The following PTPRT variants were observed in gnomAD, a reference collection of about 807,000 sequenced individuals.
PTPRT encodes receptor-type tyrosine-protein phosphatase T.
A neutral mutation model predicts 176.8 loss-of-function variants in PTPRT; 56 were observed. The observed-to-expected ratio is 0.32, with a 90% confidence interval of 0.26 to 0.40. The LOEUF (loss-of-function observed/expected upper bound fraction) is 0.40, where lower values mean the gene tolerates loss of function less well. PTPRT is among the 10% of genes least tolerant of loss of function. The pLI is 1.00. For synonymous variants in PTPRT, 783 were observed against 739.0 expected (o/e 1.06, Z -0.96); for missense variants, 1,540 against 1,908.2 (o/e 0.81, Z 3.60).
intron 3 of PTPRT, among the ~76,000 whole-genome samples, chr20:42,787,716 A>G (rs1170300927): frequency 6.6e-6 from 1 of 152,224 alleles, no homozygotes; most frequent in Non-Finnish European, 1.5e-5. Flanking sequence ...AAACCCCAAA[A>G]GCTCTGAAAA....
At chr20:42,652,145 G>A (rs1186816755) in intron 7 of PTPRT, among the ~76,000 whole-genome samples, 2 of 151,606 alleles carry the variant, frequency 1.3e-5, no homozygotes, top group Admixed American at 1.3e-4. Flanking sequence ...GAGAATGTAG[G>A]TAAAATGCCT....
the PTPRT span, among the ~76,000 whole-genome samples, chr20:42,058,551 C>T: frequency 6.6e-6 from 1 of 152,192 alleles, no homozygotes; most frequent in African/African-American, 2.4e-5. Context: ...CCTTTCCAGC[C>T]CCTCCTTCAC....
chr20:42,892,798 T>C (rs570519639), intron 1 of PTPRT, among the ~76,000 whole-genome samples: 14 of 152,320 alleles, frequency 9.2e-5, no homozygotes, highest in Admixed American at 5.9e-4. Flanking sequence ...TAAAGCTCCA[T>C]AGCAACAGGG....
Position 43,189,617 on chromosome 20 carries a change from G to A in PTPRT, c.88+29C>T, listed in dbSNP as rs1301704040. ...GCGCGCATCCAGGAGGGAGCGGGGA[G>A]CCCAGGGGAGCCGGGCGGGCGCACT... is the stretch of plus-strand genomic sequence containing the variant. On this transcript the variant is annotated intron_variant, in intron 1 of 30. Transcript: ENST00000373187. This position sits in a 1 kb window ranked among gnomAD's most constrained non-coding sequence, Gnocchi z 5.0. 2.1e-5 allele frequency: 26 copies of A among 1,232,718 alleles called. 1 individual carries two copies. The highest frequency in any genetic ancestry group is 2.2e-5 in the Non-Finnish European group (22 of 984,808). 76.4% of individuals were successfully genotyped at this position (1,232,718 alleles called of 1,614,324 possible). A position where few individuals can be genotyped will look rare whatever the true frequency, so the allele number is the denominator to read the frequency against.
At chr20:43,119,619 C>T (rs949419509) in intron 1 of PTPRT, among the ~76,000 whole-genome samples, 2 of 152,196 alleles carry the variant, frequency 1.3e-5, no homozygotes, top group African/African-American at 4.8e-5. Flanking sequence ...ACACCTGAAT[C>T]CCATCTTGGG....
chr20:42,133,891 T>C (rs1013394574), intron 18 of PTPRT, among the ~76,000 whole-genome samples: 15 of 152,214 alleles, frequency 9.9e-5, no homozygotes, highest in African/African-American at 3.6e-4. Flanking sequence ...AGGTGCTTAA[T>C]AAATGATGGT....
intron 1 of PTPRT, among the ~76,000 whole-genome samples, chr20:43,016,737 T>G (rs1182930125): frequency 6.6e-6 from 1 of 151,802 alleles, no homozygotes; most frequent in African/African-American, 2.4e-5. Flanking sequence ...AGGATTTCAC[T>G]ATGTTGGCCA....
chr20:42,236,196 A>G, intron 15 of PTPRT, 33 bp downstream of exon 15: 3 of 1,563,636 alleles, frequency 1.9e-6, no homozygotes, highest in Non-Finnish European at 1.8e-6. Flanking sequence ...CTTACAGGGC[A>G]CGAAGCAAAG....
chr20:43,054,527 C>G (rs1386498501), intron 1 of PTPRT, among the ~76,000 whole-genome samples: 2 of 148,132 alleles, frequency 1.4e-5, no homozygotes, highest in African/African-American at 5.0e-5. Flanking sequence ...ATACTTCAGT[C>G]TGTACAACAG....
At chr20:42,099,699 G>A (rs879700213) in intron 26 of PTPRT, among the ~76,000 whole-genome samples, 14 of 152,108 alleles carry the variant, frequency 9.2e-5, no homozygotes, top group Non-Finnish European at 1.6e-4. Flanking sequence ...AGATGATGAT[G>A]GTTTCTGTGG....
At chr20:42,273,069 G>A (rs183794387) in intron 13 of PTPRT, among the ~76,000 whole-genome samples, 7 of 152,264 alleles carry the variant, frequency 4.6e-5, no homozygotes, top group Admixed American at 3.9e-4. Flanking sequence ...CTTGACGACA[G>A]CCCTTATTGG....
At chr20:43,055,045 C>A (rs1331784926) in intron 1 of PTPRT, among the ~76,000 whole-genome samples, 4 of 152,080 alleles carry the variant, frequency 2.6e-5, no homozygotes, top group African/African-American at 9.7e-5. Flanking sequence ...CTAAAATCTC[C>A]CCATCACCCT....
intron 28 of PTPRT, among the ~76,000 whole-genome samples, chr20:42,085,154 G>C (rs1241164486): frequency 6.6e-6 from 1 of 152,088 alleles, no homozygotes; most frequent in Non-Finnish European, 1.5e-5. Context: ...TCTCCCTGAG[G>C]CTCATGTGCC....
intron 6 of PTPRT, among the ~76,000 whole-genome samples, chr20:42,728,469 A>AT (rs1366151046): frequency 6.6e-6 from 1 of 152,174 alleles, no homozygotes; most frequent in African/African-American, 2.4e-5. Context: ...GTGAGGCTAG[A>AT]TTTTGAAACC....
chr20:42,689,872 C>T (rs1019230449), intron 6 of PTPRT, among the ~76,000 whole-genome samples: 2 of 152,136 alleles, frequency 1.3e-5, no homozygotes, highest in African/African-American at 4.8e-5. Flanking sequence ...GTCAAAGGAA[C>T]ACAGCCCCAC....
At chr20:42,675,127 C>G (rs2075478897) in intron 7 of PTPRT, among the ~76,000 whole-genome samples, 1 of 152,172 alleles carries the variant, frequency 6.6e-6, no homozygotes, top group Non-Finnish European at 1.5e-5. Context: ...CAATTTCAGA[C>G]AGCTTTCCTT....
chr20:42,581,989 A>G (rs2073381508), intron 7 of PTPRT, among the ~76,000 whole-genome samples: 1 of 152,206 alleles, frequency 6.6e-6, no homozygotes, highest in African/African-American at 2.4e-5. Context: ...CACTTGGAAC[A>G]AAAAAGGGGC....
intron 7 of PTPRT, among the ~76,000 whole-genome samples, chr20:42,633,782 AAAAT>A (rs2074466640): frequency 2.8e-5 from 1 of 35,606 alleles, no homozygotes; most frequent in Non-Finnish European, 4.5e-5. Flanking sequence ...CAAGACTCTG[AAAAT>A]ATATATATAT....
intron 2 of PTPRT, among the ~76,000 whole-genome samples, chr20:42,848,597 A>G (rs1188863669): frequency 1.3e-5 from 2 of 151,968 alleles, no homozygotes; most frequent in African/African-American, 4.8e-5. Flanking sequence ...ATTTTTTCAT[A>G]TGTTTGTTGG....
Sources: allele counts gnomAD v4.1 joint callset (sites outside exome capture counted in the v4.1 genomes callset), GRCh38; gene constraint gnomAD v4.1.1; non-coding constraint Gnocchi (gnomAD v3.1); transcripts MANE v1.5; gene names NCBI Gene and HGNC (gene_info 2026-07-23, HGNC 2026-07-21).